NTM: variants seen among roughly 807,000 people sequenced by gnomAD.
NTM encodes the protein neurotrimin.
NTM carries 13 observed loss-of-function variants against 42.1 expected under a neutral mutation model. The observed-to-expected ratio is 0.31, with a 90% CI of 0.20 to 0.49. NTM has a LOEUF of 0.49. Among genes scored for constraint, NTM ranks in the 20% least tolerant of loss-of-function variants. The probability of loss-of-function intolerance (pLI) is 0.99; values close to 1 mark genes in which losing one functional copy is unlikely to be tolerated. For synonymous variants in NTM, 187 were observed against 179.2 expected (o/e 1.04, Z -0.35); for missense variants, 373 against 452.8 (o/e 0.82, Z 1.60).
chr11:131,543,823 A>T (rs1392867885), intron 1 of NTM, among the ~76,000 whole-genome samples: 1 of 152,250 alleles, frequency 6.6e-6, no homozygotes, highest in Admixed American at 6.5e-5. Flanking sequence ...ATGGTTGTGC[A>T]GTAAGAACCT....
At chr11:132,171,401 C>A (rs2076097556) in intron 3 of NTM, among the ~76,000 whole-genome samples, 2 of 152,200 alleles carry the variant, frequency 1.3e-5, no homozygotes, top group South Asian at 4.1e-4. Flanking sequence ...GATTTGGTGT[C>A]TGGCGTGGGC....
chr11:132,156,688 A>AT lies in NTM; in HGVS notation c.400+10183dup, dbSNP rs146662277. Among the ~76,000 whole-genome samples, 66 of 151,458 alleles carry AT rather than the reference A, an allele frequency of 4.4e-4. No individual in the cohort carries two copies. In the East Asian group the frequency reaches 4.4e-3, roughly 10 times the overall value. ...TTATAATTATTAAACAAAATGATTC[A>AT]TTTTTTTTTCATTACTAGTTGTAGT... On this transcript the variant is annotated intron_variant, in intron 3 of 8. Transcript: ENST00000683400.
At chr11:132,241,479 G>A (rs2090178414) in intron 4 of NTM, among the ~76,000 whole-genome samples, 1 of 152,196 alleles carries the variant, frequency 6.6e-6, no homozygotes, top group South Asian at 2.1e-4. Context: ...ATTCAGTGAC[G>A]TCTAGTTACA....
At chr11:131,419,697 G>T (rs1002886596) in intron 1 of NTM, among the ~76,000 whole-genome samples, 1 of 152,150 alleles carries the variant, frequency 6.6e-6, no homozygotes, top group African/African-American at 2.4e-5. Context: ...ATAAAAAGTG[G>T]GATTTTATTT....
intron 1 of NTM, among the ~76,000 whole-genome samples, chr11:131,377,825 G>A (rs557311976): frequency 6.6e-6 from 1 of 152,274 alleles, no homozygotes; most frequent in East Asian, 1.9e-4. Context: ...GAGGGCTGCT[G>A]CTATCTGCAT....
At chr11:131,442,817 G>GTA (rs530534055) in intron 1 of NTM, among the ~76,000 whole-genome samples, 310 of 149,978 alleles carry the variant, frequency 2.1e-3, no homozygotes, top group African/African-American at 5.0e-3. Flanking sequence ...ATATGTGTGT[G>GTA]TATATATATA....
intron 2 of NTM, among the ~76,000 whole-genome samples, chr11:132,067,582 A>G (rs1034620064): frequency 6.6e-6 from 1 of 152,240 alleles, no homozygotes; most frequent in African/African-American, 2.4e-5. Flanking sequence ...TAACAGTTGT[A>G]GGCACTCCTA....
chr11:132,097,944 G>A (rs2061214898), intron 2 of NTM, among the ~76,000 whole-genome samples: 1 of 152,170 alleles, frequency 6.6e-6, no homozygotes, highest in Non-Finnish European at 1.5e-5. Flanking sequence ...TTTACCCTTG[G>A]GAATAAACTA....
intron 1 of NTM, among the ~76,000 whole-genome samples, chr11:131,626,984 C>T (rs147703660): frequency 0.013 from 2,052 of 152,298 alleles, 20 homozygotes; most frequent in Non-Finnish European, 0.019. Flanking sequence ...CCCTTTCACC[C>T]GCTGTAGGGT....
chr11:131,474,509 G>A (rs1481833501), intron 1 of NTM, among the ~76,000 whole-genome samples: 2 of 152,064 alleles, frequency 1.3e-5, no homozygotes, highest in Admixed American at 6.5e-5. Flanking sequence ...TCACCTGGAT[G>A]GTTCCCAGGT....
intron 1 of NTM, among the ~76,000 whole-genome samples, chr11:131,430,138 T>C (rs1029005926): frequency 4.6e-5 from 7 of 152,208 alleles, no homozygotes; most frequent in African/African-American, 1.7e-4. Context: ...TCACAGAGAC[T>C]ATAGCCAGGA....
At chr11:132,238,513 C>A (rs1451292011) in intron 4 of NTM, among the ~76,000 whole-genome samples, 1 of 146,568 alleles carries the variant, frequency 6.8e-6, no homozygotes, top group South Asian at 2.3e-4. Flanking sequence ...ATCACCACAG[C>A]AACCCACAAT....
chr11:131,717,048 C>A (rs185903860), intron 1 of NTM, among the ~76,000 whole-genome samples: 2 of 152,086 alleles, frequency 1.3e-5, no homozygotes, highest in East Asian at 3.9e-4. Flanking sequence ...CTTATGTTTC[C>A]CAGGAGTTTC....
intron 1 of NTM, among the ~76,000 whole-genome samples, chr11:131,755,601 C>G (rs2083228635): frequency 6.6e-6 from 1 of 152,088 alleles, no homozygotes; most frequent in Non-Finnish European, 1.5e-5. Context: ...AACTGGGCAT[C>G]CTGTATTTTT....
chr11:131,837,169 G>C (rs1322741221), intron 1 of NTM, among the ~76,000 whole-genome samples: 1 of 152,134 alleles, frequency 6.6e-6, no homozygotes, highest in Non-Finnish European at 1.5e-5. Flanking sequence ...AGCCATTTTG[G>C]TGTCAAGACC....
At chr11:132,290,269 TTTA>T (rs1308411021) in intron 4 of NTM, among the ~76,000 whole-genome samples, 2 of 152,142 alleles carry the variant, frequency 1.3e-5, no homozygotes, top group Non-Finnish European at 2.9e-5. Context: ...TTTTTTTTTT[TTTA>T]TTATCACTGT....
intron 1 of NTM, among the ~76,000 whole-genome samples, chr11:131,448,113 G>A (rs1299186626): frequency 6.6e-6 from 1 of 152,230 alleles, no homozygotes; most frequent in Non-Finnish European, 1.5e-5. Flanking sequence ...TGCGAGTGTG[G>A]TAGCCCCGGG....
intron 1 of NTM, among the ~76,000 whole-genome samples, chr11:131,676,435 A>G (rs996900363): frequency 1.3e-5 from 2 of 151,872 alleles, no homozygotes; most frequent in African/African-American, 4.8e-5. Context: ...GGGTGTGTGT[A>G]TCTGTGTGTG....
At chr11:132,094,872 C>T (rs2060777137) in intron 2 of NTM, among the ~76,000 whole-genome samples, 1 of 152,088 alleles carries the variant, frequency 6.6e-6, no homozygotes, top group Admixed American at 6.5e-5. Context: ...ACGTTCTGCT[C>T]CAGCACACTG....
Sources: allele counts gnomAD v4.1 joint callset (sites outside exome capture counted in the v4.1 genomes callset), GRCh38; gene constraint gnomAD v4.1.1; transcripts MANE v1.5; gene names NCBI Gene and HGNC (gene_info 2026-07-23, HGNC 2026-07-21).